The following PPFIBP2 variants were observed in gnomAD, a reference collection of about 807,000 sequenced individuals.
PPFIBP2 encodes the protein PPFIB scaffold protein 2.
In PPFIBP2, 118 loss-of-function variants were observed where a neutral mutation model predicts 118.3. That is an observed-to-expected ratio of 1.00 (90% CI 0.86 to 1.16). The LOEUF is 1.16. Ranked by LOEUF, PPFIBP2 falls within the 50% of genes most tolerant of loss-of-function variation. The pLI is 0.00. For missense variants in PPFIBP2, 1,195 were observed against 1,073.1 expected, an observed-to-expected ratio of 1.11 and a Z score of -1.59; for synonymous variants, 414 against 397.4, an observed-to-expected ratio of 1.04 and a Z score of -0.50.
chr11:7,553,595 G>C (rs927566460), intron 2 of PPFIBP2, among the ~76,000 whole-genome samples: 1 of 152,044 alleles, frequency 6.6e-6, no homozygotes, highest in African/African-American at 2.4e-5. Flanking sequence ...GCTGGCTGTG[G>C]GATCTTTGGA....
chr11:7,577,814 T>A (rs917245024), intron 3 of PPFIBP2, among the ~76,000 whole-genome samples: 14 of 152,136 alleles, frequency 9.2e-5, no homozygotes, highest in Non-Finnish European at 1.5e-4. Context: ...GAGAAAACAG[T>A]CAGCTGTCTT....
chr11:7,602,423 A>G (rs538120918), intron 5 of PPFIBP2, among the ~76,000 whole-genome samples: 3 of 152,116 alleles, frequency 2.0e-5, no homozygotes, highest in Non-Finnish European at 4.4e-5. Flanking sequence ...CTGTGGTGGC[A>G]TTTTCTAAAG....
chr11:7,555,743 C>G (rs992817859), intron 2 of PPFIBP2, among the ~76,000 whole-genome samples: 3 of 152,152 alleles, frequency 2.0e-5, no homozygotes, highest in African/African-American at 7.2e-5. Context: ...TCCATTTTTC[C>G]CTCACTGGTA....
intron 1 of PPFIBP2, among the ~76,000 whole-genome samples, chr11:7,522,304 G>C (rs942936824): frequency 1.3e-5 from 2 of 152,174 alleles, no homozygotes; most frequent in Non-Finnish European, 2.9e-5. Flanking sequence ...TAGTTTGCTG[G>C]GAGAAGAATG....
At chr11:7,563,162 T>G (rs1400195749) in intron 2 of PPFIBP2, among the ~76,000 whole-genome samples, 2 of 151,934 alleles carry the variant, frequency 1.3e-5, no homozygotes, top group Admixed American at 6.6e-5. Flanking sequence ...ACCCAGATCT[T>G]CCATCCACCT....
At chr11:7,634,691 A>G (rs1851225153) in intron 13 of PPFIBP2, 139 bp downstream of exon 13, 1 of 692,528 alleles carries the variant, frequency 1.4e-6, no homozygotes, top group Non-Finnish European at 2.6e-6. Flanking sequence ...AATTACATGA[A>G]CATTTTGAGA....
At chr11:7,662,274 A>G in the PPFIBP2 span, among the ~76,000 whole-genome samples, 1 of 152,200 alleles carries the variant, frequency 6.6e-6, no homozygotes, top group African/African-American at 2.4e-5. Flanking sequence ...ATGATTTTGC[A>G]GCGACTGGTA....
intron 6 of PPFIBP2, among the ~76,000 whole-genome samples, chr11:7,613,842 G>T (rs746970404): frequency 2.0e-4 from 31 of 152,174 alleles, no homozygotes; most frequent in African/African-American, 6.8e-4. Flanking sequence ...AAGGGAGCAG[G>T]GACCCCAGAT....
At chr11:7,601,067 G>C (rs537469732) in intron 5 of PPFIBP2, among the ~76,000 whole-genome samples, 1 of 152,156 alleles carries the variant, frequency 6.6e-6, no homozygotes, top group Non-Finnish European at 1.5e-5. Flanking sequence ...GCTTAAAGGG[G>C]CTCCAAGAAC....
intron 14 of PPFIBP2, among the ~76,000 whole-genome samples, chr11:7,636,838 A>G (rs780335504): frequency 1.3e-5 from 2 of 151,906 alleles, no homozygotes; most frequent in African/African-American, 2.4e-5. Context: ...CTCCCCTCTC[A>G]CCCACATACA....
chr11:7,593,050 A>G (rs547695885), intron 3 of PPFIBP2, 82 bp from the exon 4 acceptor site: 2 of 1,555,144 alleles, frequency 1.3e-6, no homozygotes, highest in East Asian at 2.3e-5. Flanking sequence ...CACAAATTAC[A>G]TGCATCCCTT....
Position 7,561,365 on chromosome 11 carries a change from C to T in PPFIBP2, c.65-4188C>T, listed in dbSNP as rs183643729. Among the ~76,000 whole-genome samples, 5 of 152,288 alleles carry T rather than the reference C, an allele frequency of 3.3e-5. 1 individual carries two copies. The East Asian group carries it at 9.7e-4, about 29-fold the overall frequency. On this transcript the variant is annotated intron_variant, in intron 2 of 23. Transcript: ENST00000299492. The stretch of plus-strand genomic sequence containing the variant: ...ACAGGCGTGAGCCACCATGCCTGGC[C>T]TACAAGTAGGTTTTTCAGGCTATAA...
chr11:7,640,621 C>T (rs938360981), intron 15 of PPFIBP2, among the ~76,000 whole-genome samples: 6 of 152,214 alleles, frequency 3.9e-5, no homozygotes, highest in African/African-American at 7.2e-5. Context: ...GCAGGAACTT[C>T]AGATAAACCC....
the PPFIBP2 span, among the ~76,000 whole-genome samples, chr11:7,663,102 C>T: frequency 2.5e-4 from 33 of 130,020 alleles, 1 homozygote; most frequent in African/African-American, 6.8e-4. Context: ...AATGTCCTCC[C>T]GTAGCTCAGA....
At chr11:7,598,756 A>G (rs1367359285) in intron 5 of PPFIBP2, among the ~76,000 whole-genome samples, 1 of 152,128 alleles carries the variant, frequency 6.6e-6, no homozygotes, top group Non-Finnish European at 1.5e-5. Context: ...TTTAATTGTC[A>G]TGATCAGCAT....
chr11:7,648,148 A>G (rs1853394896), intron 17 of PPFIBP2: 2 of 459,914 alleles, frequency 4.3e-6, no homozygotes, highest in Non-Finnish European at 7.8e-6. Flanking sequence ...CCCATTCTCT[A>G]AGTAGCCTGA....
chr11:7,626,375 C>T (rs188022077), intron 8 of PPFIBP2, among the ~76,000 whole-genome samples: 190 of 152,358 alleles, frequency 1.2e-3, no homozygotes, highest in Non-Finnish European at 1.8e-3. Context: ...AATCTTACTT[C>T]TCAGAAAGAC....
At chr11:7,610,900 T>C (rs1251447117) in intron 6 of PPFIBP2, among the ~76,000 whole-genome samples, 3 of 152,256 alleles carry the variant, frequency 2.0e-5, no homozygotes, top group Non-Finnish European at 4.4e-5. Context: ...GAGCATGCCA[T>C]GTGCAGGCCT....
chr11:7,529,383 G>T (rs890102332), intron 1 of PPFIBP2, among the ~76,000 whole-genome samples: 1 of 152,170 alleles, frequency 6.6e-6, no homozygotes, highest in Non-Finnish European at 1.5e-5. Flanking sequence ...GTTACACATC[G>T]TATATGGAAA....
Sources: allele counts gnomAD v4.1 joint callset (sites outside exome capture counted in the v4.1 genomes callset), GRCh38; gene constraint gnomAD v4.1.1; transcripts MANE v1.5; gene names NCBI Gene and HGNC (gene_info 2026-07-23, HGNC 2026-07-21).